SNTB1: variants seen among roughly 807,000 people sequenced by gnomAD.
SNTB1 encodes the protein syntrophin beta 1.
SNTB1 carries 36 observed loss-of-function variants against 48.9 expected under a neutral mutation model. That is an observed-to-expected ratio of 0.74 (90% CI 0.56 to 0.97). The LOEUF is 0.97. Among genes scored for constraint, SNTB1 ranks in the 50% least tolerant of loss-of-function variants. SNTB1 has a pLI of 0.00. For synonymous variants in SNTB1, 299 were observed against 294.6 expected (o/e 1.01, Z -0.15); for missense variants, 786 against 703.4 (o/e 1.12, Z -1.33).
At chr8:120,561,319 CA>C (rs1221884195) in intron 4 of SNTB1, among the ~76,000 whole-genome samples, 39 of 45,666 alleles carry the variant, frequency 8.5e-4, no homozygotes, top group African/African-American at 2.9e-3. Context: ...AACTCCATCT[CA>C]AAAAAAAAAA....
intron 3 of SNTB1, among the ~76,000 whole-genome samples, chr8:120,616,809 G>A (rs1475422490): frequency 6.6e-6 from 1 of 152,188 alleles, no homozygotes; most frequent in South Asian, 2.1e-4. Context: ...TATTCTCAAT[G>A]ATCACATCTT....
At chr8:120,681,323 G>C (rs1223302262) in intron 2 of SNTB1, among the ~76,000 whole-genome samples, 4 of 152,158 alleles carry the variant, frequency 2.6e-5, no homozygotes, top group African/African-American at 9.7e-5. Context: ...AAACTCACAG[G>C]AGAACAAGAC....
chr8:120,739,792 C>T (rs952688648), intron 1 of SNTB1, among the ~76,000 whole-genome samples: 4 of 152,148 alleles, frequency 2.6e-5, no homozygotes, highest in Admixed American at 6.5e-5. Flanking sequence ...TTGGGCTTGT[C>T]GAGTGCTTTT....
At chr8:120,728,704 T>G (rs1818801401) in intron 1 of SNTB1, among the ~76,000 whole-genome samples, 2 of 152,234 alleles carry the variant, frequency 1.3e-5, no homozygotes, top group South Asian at 2.1e-4. Flanking sequence ...TATTCCATGA[T>G]GTATATGTAC....
chr8:120,551,650 C>A (rs976628264), intron 4 of SNTB1, among the ~76,000 whole-genome samples: 1 of 144,754 alleles, frequency 6.9e-6, no homozygotes, highest in Non-Finnish European at 1.5e-5. Flanking sequence ...TGCTTGAACC[C>A]GGGAGGCAGA....
At chr8:120,552,911 C>T (rs369370243) in intron 4 of SNTB1, among the ~76,000 whole-genome samples, 1 of 151,946 alleles carries the variant, frequency 6.6e-6, no homozygotes, top group Non-Finnish European at 1.5e-5. Context: ...GGTGATGATG[C>T]CTTATGAGAA....
intron 3 of SNTB1, among the ~76,000 whole-genome samples, chr8:120,598,878 C>T (rs1216893389): frequency 6.6e-6 from 1 of 152,102 alleles, no homozygotes; most frequent in Non-Finnish European, 1.5e-5. Context: ...CTGCTTCCAT[C>T]GCACGGCTCC....
intron 1 of SNTB1, among the ~76,000 whole-genome samples, chr8:120,762,933 G>A (rs1198249068): frequency 6.6e-6 from 1 of 152,140 alleles, no homozygotes; most frequent in African/African-American, 2.4e-5. Flanking sequence ...TTTTAAGAGT[G>A]CCTGTCAAGA....
At chr8:120,809,442 AT>A (rs149766945) in intron 1 of SNTB1, among the ~76,000 whole-genome samples, 1 of 151,770 alleles carries the variant, frequency 6.6e-6, no homozygotes, top group Non-Finnish European at 1.5e-5. Context: ...TAACTGCTTG[AT>A]TTTTTTTCTT....
rs568653234 is a variant in SNTB1 at position 120,774,191 on chromosome 8, A to G, written c.571+37082T>C. Among the ~76,000 whole-genome samples the G allele has an allele frequency of 5.3e-5, 8 of 152,336 alleles. No homozygotes were observed. The South Asian group carries it at 1.7e-3, about 32-fold the overall frequency. ...AATGTGGAGAGAGTGAGCTGAATCT[A>G]GAAGAAAGAACAGAATGTGACCAGT... On this transcript the variant is annotated intron_variant, in intron 1 of 6. Coordinates refer to ENST00000517992, the MANE Select transcript of SNTB1 (RefSeq NM_021021.4).
intron 4 of SNTB1, among the ~76,000 whole-genome samples, chr8:120,572,545 T>C (rs1815873726): frequency 6.6e-6 from 1 of 152,152 alleles, no homozygotes; most frequent in African/African-American, 2.4e-5. Flanking sequence ...TTTCTGTTTT[T>C]GGGATATAAG....
intron 4 of SNTB1, among the ~76,000 whole-genome samples, chr8:120,555,151 C>T (rs1815545915): frequency 1.3e-5 from 2 of 152,136 alleles, no homozygotes; most frequent in South Asian, 2.1e-4. Flanking sequence ...GGTATATCCC[C>T]GCCAGGAATA....
intron 3 of SNTB1, among the ~76,000 whole-genome samples, chr8:120,601,248 A>T (rs1816417347): frequency 6.6e-6 from 1 of 151,758 alleles, no homozygotes; most frequent in Non-Finnish European, 1.5e-5. Context: ...AGTGGTCAGC[A>T]TAGGGGGAGG....
intron 2 of SNTB1, among the ~76,000 whole-genome samples, chr8:120,640,128 C>A (rs1343749773): frequency 6.6e-6 from 1 of 151,452 alleles, no homozygotes; most frequent in African/African-American, 2.4e-5. Context: ...GTATTTTATT[C>A]TCTTTGAAGC....
At chr8:120,790,095 C>A (rs905647912) in intron 1 of SNTB1, among the ~76,000 whole-genome samples, 16 of 151,808 alleles carry the variant, frequency 1.1e-4, no homozygotes, top group African/African-American at 3.9e-4. Context: ...ATGTGAAAGT[C>A]AATAAATGGG....
chr8:120,661,457 A>G (rs1172776063), intron 2 of SNTB1, among the ~76,000 whole-genome samples: 1 of 152,164 alleles, frequency 6.6e-6, no homozygotes, highest in Middle Eastern at 3.2e-3. Flanking sequence ...TTGAGCCTAG[A>G]GTCCAGATTT....
At chr8:120,692,101 T>C (rs1818138734) in intron 2 of SNTB1, among the ~76,000 whole-genome samples, 1 of 152,176 alleles carries the variant, frequency 6.6e-6, no homozygotes, top group South Asian at 2.1e-4. Context: ...CTGGCTTTCT[T>C]GTACAACTGG....
intron 1 of SNTB1, among the ~76,000 whole-genome samples, chr8:120,699,351 T>C (rs1031484555): frequency 3.3e-5 from 5 of 152,210 alleles, no homozygotes; most frequent in Admixed American, 6.5e-5. Flanking sequence ...TATTGGATCA[T>C]GAGGACAGAT....
At chr8:120,578,280 T>A (rs1275779936) in intron 3 of SNTB1, among the ~76,000 whole-genome samples, 1 of 152,014 alleles carries the variant, frequency 6.6e-6, no homozygotes, top group Non-Finnish European at 1.5e-5. Context: ...GACCTCATGA[T>A]CTGCCTGCCT....
Sources: gnomAD v4.1 joint callset for allele counts (sites outside exome capture counted in the v4.1 genomes callset) on GRCh38, gnomAD v4.1.1 for gene constraint, MANE v1.5 for transcripts, NCBI Gene and HGNC (gene_info 2026-07-23, HGNC 2026-07-21) for gene names.